The following STOML1 variants were observed in gnomAD, a reference collection of about 807,000 sequenced individuals.
STOML1 encodes stomatin like 1.
In STOML1, 27 loss-of-function variants were observed where a neutral mutation model predicts 35.7. The observed-to-expected ratio is 0.76, with a 90% CI of 0.56 to 1.04. The LOEUF is 1.04. STOML1 is among the 50% of genes least tolerant of loss of function. The pLI, the probability that STOML1 is intolerant of heterozygous loss-of-function variation, is 0.00. For missense variants in STOML1, 451 were observed against 527.1 expected, an observed-to-expected ratio of 0.86 and a Z score of 1.41; for synonymous variants, 219 against 227.9, an observed-to-expected ratio of 0.96 and a Z score of 0.35.
rs1273870594 is a variant in STOML1, at chr15:73,985,308, G to A, written c.790+10C>T. On this transcript the variant is annotated intron_variant, in intron 5 of 6. Transcript: ENST00000541638. ...TAAACACCCCCGCTCTCCTCCCCAG[G>A]GCTCCTCACCTGGCCCCGGGGACGG... 2 of 1,522,054 alleles carry A rather than the reference G, an allele frequency of 1.3e-6. No homozygotes were observed. Among genetic ancestry groups the A allele is most frequent in the South Asian group, 1.3e-5 (1 of 74,702 alleles). 94.3% of individuals were successfully genotyped at this position (1,522,054 alleles called of 1,614,324 possible).
Position 73,981,939 on chromosome 15 carries a change from G to C in STOML1, c.*1998C>G, listed in dbSNP as rs993132933. On this transcript the variant is annotated 3_prime_UTR_variant, in exon 7 of 7. Transcript: ENST00000541638. Reference sequence around the variant, plus strand: ...CTACACAGACATCCAGAAAAGTTTCGGTTTCCCCTAAACGTTATGTTGATC... The same window carrying C: ...CTACACAGACATCCAGAAAAGTTTCCGTTTCCCCTAAACGTTATGTTGATC... 2.0e-5 allele frequency: 3 copies of C among 152,232 alleles called. No homozygotes were observed. The highest frequency in any genetic ancestry group is 4.4e-5 in the Non-Finnish European group (3 of 68,106). 9.4% of individuals were successfully genotyped at this position (152,232 alleles called of 1,614,324 possible). A position where few individuals can be genotyped will look rare whatever the true frequency, so the allele number is the denominator to read the frequency against.
In STOML1 at chr15:73,982,642, C is replaced by T. The variant is rs2068974280; in HGVS notation, c.*1295G>A. The T allele has an allele frequency of 6.6e-6, 1 of 152,532 alleles. No individual in the cohort carries two copies. Among genetic ancestry groups the T allele is most frequent in the African/African-American group, 2.4e-5 (1 of 41,452 alleles). The allele number at this position is 152,532 out of a possible 1,614,324, so 9.4% of individuals were successfully genotyped here. On this transcript the variant is annotated 3_prime_UTR_variant, in exon 7 of 7. Transcript: ENST00000541638. ...GGAAGTTGCGGTGCCACAGGACAGG[C>T]TGGGGGCTGTTCTTAAGGGGAGGCT...
chr15:73,983,769 G>A lies in STOML1; in HGVS notation c.*168C>T. 4.2e-6 allele frequency: 3 copies of A among 714,432 alleles called. No homozygotes were observed. Among genetic ancestry groups the A allele is most frequent in the South Asian group, 2.0e-5 (1 of 49,386 alleles). 44.3% of individuals were successfully genotyped at this position (714,432 alleles called of 1,614,324 possible). A position where few individuals can be genotyped will look rare whatever the true frequency, so the allele number is the denominator to read the frequency against. ...AACCACTGTAGGGGAGACGTGCATG[G>A]CAGCCGGACTCAGCCTCCTGCAGCC... On this transcript the variant is annotated 3_prime_UTR_variant, in exon 7 of 7. Transcript: ENST00000541638.
intron 1 of STOML1, chr15:73,990,915 C>T: frequency 1.3e-6 from 2 of 1,524,878 alleles, no homozygotes; most frequent in Non-Finnish European, 1.8e-6. Flanking sequence ...AGTGTGCTTT[C>T]CAGGAGTCCT....
intron 4 of STOML1, chr15:73,986,419 G>A (rs1329694341): frequency 1.3e-5 from 2 of 152,010 alleles, no homozygotes; most frequent in Admixed American, 1.3e-4. Context: ...GGCAGCTGGA[G>A]AAATGGCCCA....
chr15:73,990,859 G>A, intron 1 of STOML1: 1 of 1,535,626 alleles, frequency 6.5e-7, no homozygotes, highest in South Asian at 1.2e-5. Context: ...AACATGCACT[G>A]AATACTGCTG....
chr15:73,992,104 C>T lies in STOML1; in HGVS notation c.120G>A (p.Val40=). The change falls in exon 1 of 7, where the codon GTG becomes GTA. Residue 40 remains valine (V), a synonymous_variant. Transcript: ENST00000541638. ...KGCLSPERGG[V]GTGADVPQSW... ...GCGGCCACTCACCGGCCCCTGTCCC[C>T]ACGCCGCCCCGCTCCGGGGACAAGC... 1.9e-6 allele frequency: 3 copies of T among 1,596,160 alleles called. No individual in the cohort carries two copies. The highest frequency in any genetic ancestry group is 2.6e-6 in the Non-Finnish European group (3 of 1,172,890).
rs3816197 is a variant in STOML1 at position 73,990,539 on chromosome 15, C to T, written c.134-82G>A. On this transcript the variant is annotated intron_variant, in intron 1 of 6. Coordinates refer to ENST00000541638, the MANE Select transcript of STOML1 (RefSeq NM_004809.5). Reference sequence around the variant, plus strand: ...TGAACTTGGGCAAGTGTACCTTACGCCCACCTTCCCCTCGAGAGGCTCCTT... The same window carrying T: ...TGAACTTGGGCAAGTGTACCTTACGTCCACCTTCCCCTCGAGAGGCTCCTT... 376,397 of 1,269,258 alleles carry T rather than the reference C, an allele frequency of 0.3. 57,108 individuals carry two copies. Among genetic ancestry groups the T allele is most frequent in the African/African-American group, 0.33 (22,057 of 66,828 alleles). 78.6% of individuals were successfully genotyped at this position (1,269,258 alleles called of 1,614,324 possible).
intron 6 of STOML1, 127 bp downstream of exon 6, chr15:73,984,532 T>C: frequency 8.9e-7 from 1 of 1,126,662 alleles, no homozygotes; most frequent in Non-Finnish European, 1.3e-6. Flanking sequence ...TCTGAGCCCC[T>C]GCCTGCCATG....
chr15:73,991,656 T>A, intron 1 of STOML1: 2 of 462,604 alleles, frequency 4.3e-6, no homozygotes, highest in East Asian at 6.8e-5. Context: ...ATCCAGGAGA[T>A]GCCTAGTTCC....
Position 73,981,910 on chromosome 15 carries a change from C to A in STOML1, c.*2027G>T. On this transcript the variant is annotated 3_prime_UTR_variant, in exon 7 of 7. Coordinates refer to ENST00000541638, the MANE Select transcript of STOML1 (RefSeq NM_004809.5). Reference sequence around the variant, plus strand: ...TCATGGCAGGGGCAGGCCTTACTCTCCACCTACACAGACATCCAGAAAAGT... The same window carrying A: ...TCATGGCAGGGGCAGGCCTTACTCTACACCTACACAGACATCCAGAAAAGT... The A allele has an allele frequency of 6.5e-6, 1 of 152,682 alleles. No homozygotes were observed. The allele number at this position is 152,682 out of a possible 1,614,324, so 9.5% of individuals were successfully genotyped here.
At chr15:73,990,868 T>C in intron 1 of STOML1, 2 of 1,535,628 alleles carry the variant, frequency 1.3e-6, no homozygotes, top group African/African-American at 1.4e-5. Context: ...TGAATACTGC[T>C]GGCAAAACAC....
In STOML1 at chr15:73,984,867, G is replaced by A; in HGVS notation, c.795C>T (p.Asp265=). ...CAACTTCACTCACCATCTCCACGGT[G>A]TCTGCTGGGGGTGGCCAACAGGGTT... ...AGGAPSPGPA[D]TVEMVSEVEP... Residue 265 remains aspartate (D), a synonymous_variant, in exon 6 of 7, where the codon GAC becomes GAT. Coordinates refer to ENST00000541638, the MANE Select transcript of STOML1 (RefSeq NM_004809.5). The A allele has an allele frequency of 6.2e-7, 1 of 1,613,956 alleles. No homozygotes were observed.
In STOML1 at chr15:73,983,974, GC is replaced by G; in HGVS notation, c.1159del (p.Ala387ProfsTer2). The G allele has an allele frequency of 6.2e-7, 1 of 1,613,998 alleles. No homozygotes were observed. The highest frequency in any genetic ancestry group is 8.5e-7 in the Non-Finnish European group (1 of 1,180,012). Reference sequence around the variant, plus strand: ...CCTGAGGACAGCCTCCAGCTTCATGGCCATAGCCAGGTCGCCCTTCACCTTC... The same window carrying G: ...CCTGAGGACAGCCTCCAGCTTCATGGCATAGCCAGGTCGCCCTTCACCTTC... The part of the protein sequence containing the change: ...RLKVKGDLAM[A>X]MKLEAVLRAL... On this transcript the variant is annotated frameshift_variant, in exon 7 of 7. Coordinates refer to ENST00000541638, the MANE Select transcript of STOML1 (RefSeq NM_004809.5). LOFTEE classifies it high-confidence loss of function.
intron 6 of STOML1, 93 bp from the exon 7 acceptor site, chr15:73,984,223 G>A (rs2069015682): frequency 2.2e-6 from 3 of 1,343,370 alleles, no homozygotes; most frequent in Non-Finnish European, 2.0e-6. Flanking sequence ...TTCCCATTGG[G>A]AGGAGAGTAC....
In STOML1 at chr15:73,985,386, T is replaced by A; in HGVS notation, c.722A>T (p.Gln241Leu). 6.4e-7 allele frequency: 1 copy of A among 1,557,806 alleles called. No individual in the cohort carries two copies. The highest frequency in any genetic ancestry group is 8.6e-7 in the Non-Finnish European group (1 of 1,159,258). Residue 241 changes from glutamine to leucine, a missense_variant, in exon 5 of 7, where the codon CAG becomes CTG. Coordinates refer to ENST00000541638, the MANE Select transcript of STOML1 (RefSeq NM_004809.5). ...AGPNLDSTLQ[Q>L]LALHFLGGSM... Reference sequence around the variant, plus strand: ...TCCTCCCAGGAAGTGCAGGGCCAGCTGCTGGAGGGTGCTGTCCAGGTTGGG... The same window carrying A: ...TCCTCCCAGGAAGTGCAGGGCCAGCAGCTGGAGGGTGCTGTCCAGGTTGGG...
chr15:73,988,966 C>A lies in STOML1; in HGVS notation c.390+142G>T. 2 of 1,434,646 alleles carry A rather than the reference C, an allele frequency of 1.4e-6. No homozygotes were observed. Among genetic ancestry groups the A allele is most frequent in the Non-Finnish European group, 1.9e-6 (2 of 1,068,016 alleles). The allele number at this position is 1,434,646 out of a possible 1,614,324, so 88.9% of individuals were successfully genotyped here. ...GGTTAGGTGTATGAAGCAAGGATGT[C>A]CTCCTAGCTTCCATCAATTTTCTGG... On this transcript the variant is annotated intron_variant, in intron 3 of 6. Coordinates refer to ENST00000541638, the MANE Select transcript of STOML1 (RefSeq NM_004809.5). This position sits in a 1 kb window ranked among gnomAD's most constrained non-coding sequence, Gnocchi z 4.8.
rs560337680 is a variant in STOML1 at position 73,982,124 on chromosome 15, T to C, written c.*1813A>G. On this transcript the variant is annotated 3_prime_UTR_variant, in exon 7 of 7. Transcript: ENST00000541638. The stretch of plus-strand genomic sequence containing the variant: ...GGGCAGCCCTTCATATACTGTGTAA[T>C]AGCAATGGAAGGAATCCACAGGTGA... The C allele has an allele frequency of 6.6e-6, 1 of 152,364 alleles. No homozygotes were observed. Among genetic ancestry groups the C allele is most frequent in the East Asian group, 1.9e-4 (1 of 5,172 alleles). 9.4% of individuals were successfully genotyped at this position (152,364 alleles called of 1,614,324 possible). A position where few individuals can be genotyped will look rare whatever the true frequency, so the allele number is the denominator to read the frequency against.
At chr15:73,992,484 C>G, upstream of STOML1, 2 of 328,340 alleles carry the variant, frequency 6.1e-6, no homozygotes, top group South Asian at 2.0e-4. Context: ...GTCATCGCCT[C>G]CTCCCCTCTT....
Sources: gnomAD v4.1 joint callset for allele counts on GRCh38, gnomAD v4.1.1 for gene constraint, Gnocchi (gnomAD v3.1) non-coding constraint, MANE v1.5 for transcripts, NCBI Gene and HGNC (gene_info 2026-07-23, HGNC 2026-07-21) for gene names.